POU2F2: variants seen among roughly 807,000 people sequenced by gnomAD.
The protein encoded by POU2F2 is POU domain, class 2, transcription factor 2.
In POU2F2, 14 loss-of-function variants were observed where a neutral mutation model predicts 63.5. The observed-to-expected ratio is 0.22, with a 90% CI of 0.15 to 0.34. The LOEUF (loss-of-function observed/expected upper bound fraction) is 0.34, where lower values mean the gene tolerates loss of function less well. POU2F2 is among the 10% of genes least tolerant of loss of function. The pLI is 1.00. For synonymous variants in POU2F2, 306 were observed against 348.6 expected (o/e 0.88, Z 1.36); for missense variants, 607 against 815.2 (o/e 0.74, Z 3.11).
At chr19:42,139,034 T>C (rs2034074984) in intron 2 of POU2F2, among the ~76,000 whole-genome samples, 3 of 152,106 alleles carry the variant, frequency 2.0e-5, no homozygotes, top group Non-Finnish European at 4.4e-5. Context: ...GAAGACTAAC[T>C]GGCCGGGTGT....
rs59996108 is a variant in POU2F2 at position 42,118,611 on chromosome 19, C to T, written c.187-1179G>A. Among the ~76,000 whole-genome samples the T allele has an allele frequency of 7.8e-3, 1,190 of 152,340 alleles. 16 individuals are homozygous for T. The highest frequency in any genetic ancestry group is 0.027 in the African/African-American group (1,140 of 41,576). On this transcript the variant is annotated intron_variant, in intron 4 of 14. Transcript: ENST00000692977. Reference sequence around the variant, plus strand: ...TCTTTCTGAATATGATATGGACACACCTTGCACCATACACACAGAACAGAC... The same window carrying T: ...TCTTTCTGAATATGATATGGACACATCTTGCACCATACACACAGAACAGAC...
At chr19:42,131,611 T>C (rs1048431977) in intron 1 of POU2F2, among the ~76,000 whole-genome samples, 2 of 152,234 alleles carry the variant, frequency 1.3e-5, no homozygotes, top group African/African-American at 2.4e-5. Flanking sequence ...ATAAATCACC[T>C]TGTACAGTGC....
At chr19:42,100,085 CTTTTTTTTT>C (rs948283094) in intron 5 of POU2F2, among the ~76,000 whole-genome samples, 77 of 77,080 alleles carry the variant, frequency 1.0e-3, no homozygotes, top group African/African-American at 3.5e-3. Context: ...CCCTTTCTTT[CTTTTTTTTT>C]TTTTTTTTTT....
Position 42,117,070 on chromosome 19 carries a change from AG to A in POU2F2, c.369+179del. On this transcript the variant is annotated intron_variant, in intron 5 of 14. Transcript: ENST00000692977. The surrounding 1 kb of genome is among the most constrained non-coding windows in gnomAD (Gnocchi z 4.4). ...TTGAAGAGGAGCAGAGAAGGCAGAG[AG>A]GGGTTAGTGCCTAAGCCAAGCAAGT... 1.5e-6 allele frequency: 1 copy of A among 671,146 alleles called. No homozygotes were observed. 41.6% of individuals were successfully genotyped at this position (671,146 alleles called of 1,614,324 possible). A position where few individuals can be genotyped will look rare whatever the true frequency, so the allele number is the denominator to read the frequency against.
chr19:42,141,161 C>T (rs115330353), intron 2 of POU2F2, among the ~76,000 whole-genome samples: 3,174 of 152,302 alleles, frequency 0.021, 104 homozygotes, highest in African/African-American at 0.071. Context: ...GCTGTACCTA[C>T]AGACTGTGAG....
intron 7 of POU2F2, among the ~76,000 whole-genome samples, chr19:42,098,162 G>A (rs990082219): frequency 4.6e-5 from 7 of 152,090 alleles, no homozygotes; most frequent in African/African-American, 1.7e-4. Flanking sequence ...CCTGTAATCC[G>A]AGCACTTTAG....
chr19:42,091,769 G>A (rs1393326572), intron 14 of POU2F2, 98 bp downstream of exon 14: 2 of 1,548,146 alleles, frequency 1.3e-6, no homozygotes, highest in African/African-American at 1.4e-5. Flanking sequence ...AATGCAGTGA[G>A]CAGGGGCAGG....
chr19:42,160,171 G>A (rs1372429339), intron 2 of POU2F2, among the ~76,000 whole-genome samples: 3 of 152,106 alleles, frequency 2.0e-5, no homozygotes, highest in Admixed American at 6.6e-5. Flanking sequence ...TGCATGGAGG[G>A]TGAGAACAAA....
chr19:42,191,021 C>T (rs1406752722), intron 1 of POU2F2, among the ~76,000 whole-genome samples: 2 of 148,888 alleles, frequency 1.3e-5, no homozygotes, highest in South Asian at 4.3e-4. Context: ...GAGCTGAGAT[C>T]GCGCCATTGC....
At chr19:42,194,330 T>A (rs1434740345) in intron 1 of POU2F2, among the ~76,000 whole-genome samples, 1 of 152,006 alleles carries the variant, frequency 6.6e-6, no homozygotes, top group African/African-American at 2.4e-5. Context: ...TACAATGAGT[T>A]GTGATCGTGC....
upstream of POU2F2, among the ~76,000 whole-genome samples, chr19:42,197,566 C>T (rs1297283824): frequency 6.6e-6 from 1 of 152,172 alleles, no homozygotes; most frequent in Non-Finnish European, 1.5e-5. Flanking sequence ...TACCCCCACT[C>T]CCCACCCCTG....
chr19:42,195,091 G>GAGGGAGGGAGGGAGGGAGGA (rs2035124158), intron 1 of POU2F2, among the ~76,000 whole-genome samples: 1 of 5,344 alleles, frequency 1.9e-4, no homozygotes, highest in Non-Finnish European at 3.9e-4. Flanking sequence ...GGGAGGAAGG[G>GAGGGAGGGAGGGAGGGAGGA]AGGAAGGAAG....
chr19:42,174,051 C>A (rs531676527), intron 1 of POU2F2, among the ~76,000 whole-genome samples: 12 of 152,166 alleles, frequency 7.9e-5, no homozygotes, highest in African/African-American at 2.9e-4. Context: ...GGGATCTTTT[C>A]TTGTTTTGTT....
intron 1 of POU2F2, among the ~76,000 whole-genome samples, chr19:42,175,014 C>T (rs1314635402): frequency 6.6e-6 from 1 of 152,164 alleles, no homozygotes; most frequent in Non-Finnish European, 1.5e-5. Flanking sequence ...GCTCTAAGGA[C>T]TCTCTCAGAT....
At chr19:42,174,283 G>C (rs961253177) in intron 1 of POU2F2, among the ~76,000 whole-genome samples, 5 of 151,974 alleles carry the variant, frequency 3.3e-5, no homozygotes, top group Non-Finnish European at 7.4e-5. Context: ...TTTTTGATGT[G>C]CACCCTTGTG....
chr19:42,105,247 C>A (rs2077293148), intron 5 of POU2F2, among the ~76,000 whole-genome samples: 2 of 152,266 alleles, frequency 1.3e-5, no homozygotes, highest in South Asian at 2.1e-4. Context: ...GACCCACCTG[C>A]CCTGTGCTAC....
chr19:42,117,379 G>C lies in POU2F2; in HGVS notation c.240C>G (p.Leu80=). The C allele has an allele frequency of 6.6e-7, 1 of 1,516,388 alleles. No homozygotes were observed. The highest frequency in any genetic ancestry group is 8.8e-7 in the Non-Finnish European group (1 of 1,133,772). The allele number at this position is 1,516,388 out of a possible 1,614,324, so 93.9% of individuals were successfully genotyped here. A position where few individuals can be genotyped will look rare whatever the true frequency, so the allele number is the denominator to read the frequency against. Residue 80 remains leucine, a synonymous_variant, in exon 5 of 15, where the codon CTC becomes CTG. Coordinates refer to ENST00000692977, the MANE Select transcript of POU2F2 (RefSeq NM_001394376.1). The surrounding 1 kb of genome is among the most constrained non-coding windows in gnomAD (Gnocchi z 4.4). The part of the protein sequence containing the change: ...HLTFWGPGPC[L]SPPQIKAEDP... ...CTTCAGCCTTGATCTGGGGGGGAGAGAGGCAGGGTCCGGGACCCCAGAATG... is the reference window on the plus strand; with the variant it reads ...CTTCAGCCTTGATCTGGGGGGGAGACAGGCAGGGTCCGGGACCCCAGAATG...
intron 1 of POU2F2, among the ~76,000 whole-genome samples, chr19:42,122,905 G>T (rs1312292334): frequency 1.3e-5 from 2 of 152,246 alleles, no homozygotes; most frequent in Non-Finnish European, 2.9e-5. Flanking sequence ...CTGCCCAGGA[G>T]GAGGCTGGTG....
rs1282804574 is a variant in POU2F2, at chr19:42,110,622, T to C, written c.369+6628A>G. 2.2e-5 allele frequency: 9 copies of C among 416,218 alleles called. 1 individual carries two copies. Among genetic ancestry groups the C allele is most frequent in the Middle Eastern group, 7.1e-4 (2 of 2,830 alleles). 25.8% of individuals were successfully genotyped at this position (416,218 alleles called of 1,614,324 possible). ...CCTCCTTAACTGTACAGGATCACGA[T>C]GCAAGTTGTTATGGAGAGACCTGGG... On this transcript the variant is annotated intron_variant, in intron 5 of 14. Transcript: ENST00000692977.
Sources: allele counts gnomAD v4.1 joint callset (sites outside exome capture counted in the v4.1 genomes callset), GRCh38; gene constraint gnomAD v4.1.1; non-coding constraint Gnocchi (gnomAD v3.1); transcripts MANE v1.5; gene names NCBI Gene and HGNC (gene_info 2026-07-23, HGNC 2026-07-21).